AQP9: variants seen among roughly 807,000 people sequenced by gnomAD.
AQP9 encodes aquaporin 9, also known as aquaporin-9.
Under a neutral mutation model 23.8 loss-of-function variants are expected in AQP9, and 19 were observed. That is an observed-to-expected ratio of 0.80 (90% confidence interval 0.56 to 1.17). AQP9 has a LOEUF of 1.17. Ranked by LOEUF, AQP9 falls within the 50% of genes most tolerant of loss-of-function variation. The pLI, the probability that AQP9 is intolerant of heterozygous loss-of-function variation, is 0.00. For missense variants in AQP9, 413 were observed against 362.0 expected (o/e 1.14, Z -1.14); for synonymous variants, 153 against 131.5 (o/e 1.16, Z -1.12).
In AQP9 at chr15:58,185,338, G is replaced by C. The variant is rs1423038498; in HGVS notation, c.*1203G>C. The C allele has an allele frequency of 5.9e-5, 9 of 152,626 alleles. No individual in the cohort carries two copies. The highest frequency in any genetic ancestry group is 2.2e-4 in the African/African-American group (9 of 41,438). The allele number at this position is 152,626 out of a possible 1,614,324, so 9.5% of individuals were successfully genotyped here. A position where few individuals can be genotyped will look rare whatever the true frequency, so the allele number is the denominator to read the frequency against. ...TTTGCCAAATCTTCCTTGCTAGCCA[G>C]AAGTGGAATTGGCAGCTTCTAGAAT... On this transcript the variant is annotated 3_prime_UTR_variant, in exon 6 of 6. Coordinates refer to ENST00000219919, the MANE Select transcript of AQP9 (RefSeq NM_020980.5).
At chr15:58,148,491 G>C (rs1334649860) in intron 1 of AQP9, among the ~76,000 whole-genome samples, 1 of 152,158 alleles carries the variant, frequency 6.6e-6, no homozygotes, top group Non-Finnish European at 1.5e-5. Context: ...CATATGCAGA[G>C]ATCTCCCAGG....
At chr15:58,174,719 G>A (rs1229274166) in intron 3 of AQP9, among the ~76,000 whole-genome samples, 199 bp from the exon 4 acceptor site, 1 of 152,186 alleles carries the variant, frequency 6.6e-6, no homozygotes, top group African/African-American at 2.4e-5. Context: ...GAGGCCAAAG[G>A]CCTTCTTCCT....
intron 1 of AQP9, chr15:58,150,873 C>T (rs1222014614): frequency 2.0e-5 from 3 of 152,176 alleles, no homozygotes; most frequent in Admixed American, 1.3e-4. Flanking sequence ...AACAACCTGA[C>T]ACTAATAATC....
chr15:58,182,633 C>T (rs1898918144), intron 5 of AQP9, among the ~76,000 whole-genome samples: 1 of 152,178 alleles, frequency 6.6e-6, no homozygotes, highest in South Asian at 2.1e-4. Flanking sequence ...AGCCACCCTC[C>T]ATGTGCCTCC....
intron 2 of AQP9, among the ~76,000 whole-genome samples, chr15:58,167,247 A>G (rs1220071233): frequency 6.6e-6 from 1 of 152,224 alleles, no homozygotes; most frequent in African/African-American, 2.4e-5. Context: ...GGACGTGCAG[A>G]TCTGATCTAC....
In AQP9 at chr15:58,185,161, C is replaced by T. The variant is rs1419773026; in HGVS notation, c.*1026C>T. The T allele has an allele frequency of 6.6e-6, 1 of 152,088 alleles. No homozygotes were observed. The allele number at this position is 152,088 out of a possible 1,614,324, so 9.4% of individuals were successfully genotyped here. On this transcript the variant is annotated 3_prime_UTR_variant, in exon 6 of 6. Transcript: ENST00000219919. The stretch of plus-strand genomic sequence containing the variant: ...TTATCTAATTTAATCCTCATAATGA[C>T]TATGTGAGGCAAATGCCACATTGCC...
chr15:58,157,408 C>G (rs1261941089), intron 1 of AQP9, among the ~76,000 whole-genome samples: 1 of 152,220 alleles, frequency 6.6e-6, no homozygotes, highest in East Asian at 1.9e-4. Flanking sequence ...TTTAGAATGT[C>G]CACCTGGCTT....
At chr15:58,143,984 A>T (rs953752819) in intron 1 of AQP9, among the ~76,000 whole-genome samples, 1 of 152,212 alleles carries the variant, frequency 6.6e-6, no homozygotes, top group Non-Finnish European at 1.5e-5. Context: ...CACATACTCA[A>T]CCATCCTTGA....
chr15:58,157,760 G>A (rs181107723), intron 1 of AQP9, among the ~76,000 whole-genome samples: 2 of 152,244 alleles, frequency 1.3e-5, no homozygotes, highest in Admixed American at 6.5e-5. Context: ...ATCATCTAAC[G>A]GAAGTTGTCT....
chr15:58,157,246 A>C (rs1898283010), intron 1 of AQP9, among the ~76,000 whole-genome samples: 1 of 152,180 alleles, frequency 6.6e-6, no homozygotes. Context: ...GTCACACAGA[A>C]CTCATGTTCT....
At chr15:58,170,824 G>A (rs530980067) in intron 2 of AQP9, among the ~76,000 whole-genome samples, 3 of 152,236 alleles carry the variant, frequency 2.0e-5, no homozygotes, top group Non-Finnish European at 4.4e-5. Context: ...ACCTACTTAT[G>A]GGAAATTTTA....
At chr15:58,181,942 C>A (rs1326546920) in intron 5 of AQP9, among the ~76,000 whole-genome samples, 1 of 152,070 alleles carries the variant, frequency 6.6e-6, no homozygotes, top group African/African-American at 2.4e-5. Context: ...GTTCTATATT[C>A]AAGGGAAATC....
intron 1 of AQP9, 119 bp downstream of exon 1, chr15:58,138,795 T>G: frequency 1.2e-6 from 1 of 841,414 alleles, no homozygotes; most frequent in Non-Finnish European, 1.9e-6. Flanking sequence ...AGATTCATCT[T>G]TTCCAGGAAG....
intron 4 of AQP9, among the ~76,000 whole-genome samples, chr15:58,177,395 C>T (rs2140631338): frequency 6.6e-6 from 1 of 152,276 alleles, no homozygotes; most frequent in Middle Eastern, 3.4e-3. Context: ...CAAGTAAAGT[C>T]AGAATGTCAT....
At chr15:58,183,842 C>G in intron 5 of AQP9, 119 bp from the exon 6 acceptor site, 1 of 1,162,692 alleles carries the variant, frequency 8.6e-7, no homozygotes, top group Non-Finnish European at 1.2e-6. Context: ...ATACTTAGCT[C>G]TTGCTGAGTT....
chr15:58,145,641 C>G (rs1407022760), intron 1 of AQP9, among the ~76,000 whole-genome samples: 1 of 152,058 alleles, frequency 6.6e-6, no homozygotes, highest in African/African-American at 2.4e-5. Context: ...AAATTTTTCC[C>G]TCATTATTAT....
At chr15:58,179,780 G>T (rs16939881) in intron 5 of AQP9, among the ~76,000 whole-genome samples, 1 of 152,080 alleles carries the variant, frequency 6.6e-6, no homozygotes, top group African/African-American at 2.4e-5. Flanking sequence ...ACAGATATTT[G>T]TTGGGCATTA....
chr15:58,164,347 T>C (rs1386623767), intron 1 of AQP9, among the ~76,000 whole-genome samples: 1 of 152,304 alleles, frequency 6.6e-6, no homozygotes, highest in East Asian at 1.9e-4. Context: ...CGTCTCTTCT[T>C]AGCCCTGGTT....
At chr15:58,161,056 G>A (rs1475427644) in intron 1 of AQP9, among the ~76,000 whole-genome samples, 1 of 152,158 alleles carries the variant, frequency 6.6e-6, no homozygotes, top group Non-Finnish European at 1.5e-5. Flanking sequence ...ACCAGCTTGA[G>A]GACTCTGGGC....
Sources: allele counts gnomAD v4.1 joint callset (sites outside exome capture counted in the v4.1 genomes callset), GRCh38; gene constraint gnomAD v4.1.1; transcripts MANE v1.5; gene names NCBI Gene and HGNC (gene_info 2026-07-23, HGNC 2026-07-21).